EIF4G3: variants seen among roughly 807,000 people sequenced by gnomAD.
EIF4G3 encodes the protein eIF-4-gamma 3.
Under a neutral mutation model 186.4 loss-of-function variants are expected in EIF4G3, and 34 were observed. The observed-to-expected ratio is 0.18, with a 90% CI of 0.14 to 0.24. The LOEUF (loss-of-function observed/expected upper bound fraction) is 0.24. Among genes scored for constraint, EIF4G3 ranks in the 10% least tolerant of loss-of-function variants. The pLI is 1.00. For synonymous variants in EIF4G3, 673 were observed against 679.5 expected, an observed-to-expected ratio of 0.99 and a Z score of 0.15; for missense variants, 1,536 against 1,948.5, an observed-to-expected ratio of 0.79 and a Z score of 3.99.
intron 34 of EIF4G3, 104 bp downstream of exon 34, chr1:20,817,269 TAAATAAATAAAAAAAAATA>T: frequency 3.9e-6 from 1 of 255,800 alleles, no homozygotes; most frequent in Non-Finnish European, 6.0e-6. Flanking sequence ...AATAAAAAAA[TAAATAAATAAAAAAAAATA>T]AAAATAAAAA....
rs1392802757 is a variant in EIF4G3 at position 21,067,131 on chromosome 1, CT to C, written c.-195-16138del. 1.3e-3 allele frequency among the ~76,000 whole-genome samples: 158 copies of C among 122,630 alleles called. 2 individuals are homozygous for C. The East Asian group carries it at 0.019, about 15-fold the overall frequency. The allele number at this position is 122,630 out of a possible 152,430, so 80.5% of individuals were successfully genotyped here. A position where few individuals can be genotyped will look rare whatever the true frequency, so the allele number is the denominator to read the frequency against. On this transcript the variant is annotated intron_variant, in intron 3 of 36. Coordinates refer to ENST00000602326, the MANE Select transcript of EIF4G3 (RefSeq NM_001391906.1). ...ACATATTAAGTAATTTTTTTCTTTT[CT>C]TTTTTTTTTTTTTTTTTGAGACGGA...
intron 2 of EIF4G3, among the ~76,000 whole-genome samples, chr1:21,108,234 T>C (rs1157382541): frequency 1.3e-5 from 2 of 152,184 alleles, no homozygotes; most frequent in African/African-American, 2.4e-5. Flanking sequence ...AAACCATCTC[T>C]TAGGTAATAT....
At chr1:21,109,191 C>G (rs1276711540) in intron 2 of EIF4G3, among the ~76,000 whole-genome samples, 1 of 152,212 alleles carries the variant, frequency 6.6e-6, no homozygotes, top group Non-Finnish European at 1.5e-5. Context: ...GCACTCCAGC[C>G]TGGGCAACTG....
intron 2 of EIF4G3, among the ~76,000 whole-genome samples, chr1:21,098,497 C>G (rs2096434318): frequency 7.1e-6 from 1 of 141,646 alleles, no homozygotes; most frequent in Non-Finnish European, 1.5e-5. Flanking sequence ...AGAGATCACG[C>G]CACAGTACTC....
Position 20,847,467 on chromosome 1 carries a change from A to G in EIF4G3, c.3888+1948T>C, listed in dbSNP as rs1264655771. Reference sequence around the variant, plus strand: ...GTGTTACTAAGGTCTTTTACTCCCTATACCTCCAGTTCATCACAGGATCAT... The same window carrying G: ...GTGTTACTAAGGTCTTTTACTCCCTGTACCTCCAGTTCATCACAGGATCAT... On this transcript the variant is annotated intron_variant, in intron 29 of 36. Coordinates refer to ENST00000602326, the MANE Select transcript of EIF4G3 (RefSeq NM_001391906.1). 3.3e-5 allele frequency among the ~76,000 whole-genome samples: 5 copies of G among 152,264 alleles called. No homozygotes were observed. In the East Asian group the frequency reaches 9.6e-4, roughly 29 times the overall value.
chr1:21,067,675 C>T (rs888020033), intron 3 of EIF4G3, among the ~76,000 whole-genome samples: 2 of 151,968 alleles, frequency 1.3e-5, no homozygotes, highest in Admixed American at 6.6e-5. Context: ...TAATAAGATA[C>T]CTCTCCATTT....
chr1:21,095,806 AC>A lies in EIF4G3; in HGVS notation c.-271-6594del, dbSNP rs1264477481. Among the ~76,000 whole-genome samples, 30 of 152,290 alleles carry A rather than the reference AC, an allele frequency of 2.0e-4. 1 individual carries two copies. Among genetic ancestry groups the A allele is most frequent in the Admixed American group, 1.5e-3 (23 of 15,286 alleles). ...TTAGAAACATACAAACAAAAAAAAA[AC>A]AAAACAATATTGCCAGAGACTATGC... On this transcript the variant is annotated intron_variant, in intron 2 of 36. Transcript: ENST00000602326.
At chr1:21,150,401 T>C (rs910263738) in intron 2 of EIF4G3, among the ~76,000 whole-genome samples, 11 of 152,210 alleles carry the variant, frequency 7.2e-5, no homozygotes, top group Admixed American at 6.5e-4. Flanking sequence ...CCATTTTTCA[T>C]GGCGTCATGA....
intron 2 of EIF4G3, among the ~76,000 whole-genome samples, chr1:21,089,808 A>C (rs2096123562): frequency 6.6e-6 from 1 of 152,074 alleles, no homozygotes; most frequent in South Asian, 2.1e-4. Context: ...AATTTTCTAC[A>C]GAATTTGAAT....
chr1:20,884,034 G>A (rs1572177756), intron 19 of EIF4G3, among the ~76,000 whole-genome samples: 1 of 152,134 alleles, frequency 6.6e-6, no homozygotes, highest in Non-Finnish European at 1.5e-5. Flanking sequence ...ATGAGAATAA[G>A]GTCATCAACA....
chr1:21,007,364 A>G (rs1265818081), intron 4 of EIF4G3, among the ~76,000 whole-genome samples: 3 of 151,928 alleles, frequency 2.0e-5, no homozygotes, highest in South Asian at 4.2e-4. Context: ...CACCACTGCA[A>G]TCCAACCTAG....
intron 12 of EIF4G3, among the ~76,000 whole-genome samples, chr1:20,959,193 A>G (rs1355206582): frequency 6.6e-6 from 1 of 152,284 alleles, no homozygotes; most frequent in East Asian, 1.9e-4. Context: ...AAGTAGGCAA[A>G]TAACTAATGG....
At chr1:21,098,944 G>A (rs2096454751) in intron 2 of EIF4G3, among the ~76,000 whole-genome samples, 1 of 152,026 alleles carries the variant, frequency 6.6e-6, no homozygotes, top group Admixed American at 6.6e-5. Flanking sequence ...GCCTCAAATG[G>A]GGAAAAGTTT....
At position 20,884,885 on chromosome 1, in the gene EIF4G3, T is replaced by C. The variant is rs114916609; in HGVS notation, c.2424+1316A>G. Among the ~76,000 whole-genome samples, 787 of 152,330 alleles carry C rather than the reference T, an allele frequency of 5.2e-3. 7 individuals carry two copies. Among genetic ancestry groups the C allele is most frequent in the African/African-American group, 0.018 (756 of 41,570 alleles). On this transcript the variant is annotated intron_variant, in intron 19 of 36. Coordinates refer to ENST00000602326, the MANE Select transcript of EIF4G3 (RefSeq NM_001391906.1). ...AACCTTTTGGCACTAGGAACTGGTT[T>C]TGTGGAAGATAATTTTTCCACAGAC...
At chr1:21,134,874 G>C in intron 2 of EIF4G3, among the ~76,000 whole-genome samples, 1 of 149,862 alleles carries the variant, frequency 6.7e-6, no homozygotes, top group South Asian at 2.1e-4. Flanking sequence ...ACTATGCAGT[G>C]TTTTTTTTTT....
intron 2 of EIF4G3, among the ~76,000 whole-genome samples, chr1:21,139,215 C>T (rs556527986): frequency 6.6e-5 from 10 of 152,274 alleles, no homozygotes; most frequent in African/African-American, 2.4e-4. Context: ...CCTGTTTATA[C>T]TATTACTCTA....
chr1:20,954,734 AC>A (rs2096355683), intron 12 of EIF4G3, among the ~76,000 whole-genome samples: 1 of 152,120 alleles, frequency 6.6e-6, no homozygotes, highest in Non-Finnish European at 1.5e-5. Context: ...GGCTAAGACA[AC>A]ATTCCTGGGT....
At chr1:21,104,317 T>C (rs2096577010) in intron 2 of EIF4G3, among the ~76,000 whole-genome samples, 1 of 152,158 alleles carries the variant, frequency 6.6e-6, no homozygotes, top group South Asian at 2.1e-4. Flanking sequence ...ACCAAACAAC[T>C]TGTGGCACTT....
chr1:20,883,236 G>A (rs1419972602), intron 19 of EIF4G3, among the ~76,000 whole-genome samples: 1 of 152,138 alleles, frequency 6.6e-6, no homozygotes, highest in Admixed American at 6.5e-5. Context: ...AAGTGATAAA[G>A]CAAGTACTAG....
Sources: gnomAD v4.1 joint callset for allele counts (sites outside exome capture counted in the v4.1 genomes callset) on GRCh38, gnomAD v4.1.1 for gene constraint, MANE v1.5 for transcripts, NCBI Gene and HGNC (gene_info 2026-07-23, HGNC 2026-07-21) for gene names.